GPM6A: variants seen among roughly 807,000 people sequenced by gnomAD.
The protein encoded by GPM6A is glycoprotein M6A.
A neutral mutation model predicts 32.1 loss-of-function variants in GPM6A; 7 were observed. That is an observed-to-expected ratio of 0.22 (90% CI 0.12 to 0.41). GPM6A has a LOEUF of 0.41. Ranked by LOEUF, GPM6A falls within the 10% of genes least tolerant of loss-of-function variation. The probability of loss-of-function intolerance (pLI) is 1.00; values close to 1 mark genes in which losing one functional copy is unlikely to be tolerated. For missense variants in GPM6A, 235 were observed against 347.2 expected, an observed-to-expected ratio of 0.68 and a Z score of 2.57; for synonymous variants, 130 against 123.4, an observed-to-expected ratio of 1.05 and a Z score of -0.35.
intron 3 of GPM6A, 133 bp from the exon 4 acceptor site, chr4:175,652,120 A>T (rs745357551): frequency 5.2e-6 from 3 of 576,132 alleles, no homozygotes; most frequent in Non-Finnish European, 8.9e-6. Context: ...AACACTGTTG[A>T]TTTGCAGCAC....
At position 175,851,345 on chromosome 4, in the gene GPM6A, C is replaced by T. The variant is rs1379790246; in HGVS notation, c.-22-39096G>A. 3.3e-5 allele frequency among the ~76,000 whole-genome samples: 5 copies of T among 151,974 alleles called. No individual in the cohort carries two copies. The East Asian group carries it at 9.7e-4, about 29-fold the overall frequency. ...ACTAAAAATACAAAAATTAGCTGAG[C>T]ATGGTGGTGGACGCCAGTAATCCCA... is the stretch of plus-strand genomic sequence containing the variant. On this transcript the variant is annotated intron_variant, in intron 1 of 7. Transcript: ENST00000280187.
intron 1 of GPM6A, among the ~76,000 whole-genome samples, chr4:175,878,670 T>C (rs533614476): frequency 6.6e-6 from 1 of 152,234 alleles, no homozygotes; most frequent in East Asian, 1.9e-4. Context: ...TATGATGGGA[T>C]GGGCTGCCTT....
intron 4 of GPM6A, among the ~76,000 whole-genome samples, chr4:175,645,207 C>T (rs1367980749): frequency 1.3e-5 from 2 of 152,080 alleles, no homozygotes; most frequent in Admixed American, 6.6e-5. Context: ...GTTGCAGTAA[C>T]GGGCTTCTTT....
intron 1 of GPM6A, among the ~76,000 whole-genome samples, chr4:175,990,233 C>T (rs1245391910): frequency 2.6e-5 from 4 of 152,218 alleles, no homozygotes; most frequent in East Asian, 1.9e-4. Flanking sequence ...TTTATTACAT[C>T]TGTAACCAAA....
In GPM6A at chr4:175,648,948, T is replaced by C. The variant is rs1329859577; in HGVS notation, c.541+2886A>G. Among the ~76,000 whole-genome samples, 3 of 152,224 alleles carry C rather than the reference T, an allele frequency of 2.0e-5. No individual in the cohort carries two copies. In the East Asian group the frequency reaches 5.8e-4, roughly 29 times the overall value. ...CTCACATATGTATATGTTTCAGGAA[T>C]CAGAATGTGTACATCTTTGAGGATC... On this transcript the variant is annotated intron_variant, in intron 4 of 6. Transcript: ENST00000393658.
intron 1 of GPM6A, among the ~76,000 whole-genome samples, chr4:175,942,753 C>T (rs181065820): frequency 6.6e-6 from 1 of 152,080 alleles, no homozygotes; most frequent in East Asian, 1.9e-4. Flanking sequence ...GTTTTGGTAC[C>T]AGTACCATGC....
chr4:175,711,761 T>A (rs977836547), intron 1 of GPM6A, among the ~76,000 whole-genome samples: 3 of 151,522 alleles, frequency 2.0e-5, no homozygotes, highest in Admixed American at 1.3e-4. Context: ...TGTGTAGTAA[T>A]CTGGGATTCA....
At chr4:175,855,855 T>C (rs947944506) in intron 1 of GPM6A, among the ~76,000 whole-genome samples, 1 of 152,200 alleles carries the variant, frequency 6.6e-6, no homozygotes, top group African/African-American at 2.4e-5. Context: ...ACATATATAT[T>C]TCTTTTCTCT....
intron 1 of GPM6A, among the ~76,000 whole-genome samples, chr4:175,830,049 C>T (rs560198050): frequency 1.3e-5 from 2 of 152,090 alleles, no homozygotes; most frequent in African/African-American, 4.8e-5. Flanking sequence ...GATCCACTGC[C>T]ACTGATTTGA....
At chr4:175,946,613 G>A (rs1207298160) in intron 1 of GPM6A, among the ~76,000 whole-genome samples, 2 of 152,174 alleles carry the variant, frequency 1.3e-5, no homozygotes, top group Non-Finnish European at 2.9e-5. Context: ...AGCCAGCGAT[G>A]TGAGGCAGAG....
At chr4:175,782,287 C>A (rs1364000637) in intron 1 of GPM6A, among the ~76,000 whole-genome samples, 3 of 152,044 alleles carry the variant, frequency 2.0e-5, no homozygotes, top group Non-Finnish European at 4.4e-5. Flanking sequence ...CCCACCTAGG[C>A]TTTTGCTGGG....
intron 1 of GPM6A, among the ~76,000 whole-genome samples, chr4:175,755,848 T>C (rs1192935899): frequency 6.6e-6 from 1 of 152,172 alleles, no homozygotes; most frequent in East Asian, 1.9e-4. Context: ...ATGGCTTCTG[T>C]GTGTCAGTGA....
intron 1 of GPM6A, among the ~76,000 whole-genome samples, chr4:175,878,268 C>A (rs1560976148): frequency 6.6e-6 from 1 of 152,190 alleles, no homozygotes; most frequent in Non-Finnish European, 1.5e-5. Flanking sequence ...GCCCTCTTCT[C>A]ACAGATCCAC....
At chr4:175,694,576 A>T (rs1268057724) in intron 2 of GPM6A, among the ~76,000 whole-genome samples, 1 of 152,180 alleles carries the variant, frequency 6.6e-6, no homozygotes, top group East Asian at 1.9e-4. Context: ...AGCATTCAAG[A>T]TGTGACCTGG....
chr4:175,975,589 C>G (rs900146992), intron 1 of GPM6A, among the ~76,000 whole-genome samples: 6 of 152,146 alleles, frequency 3.9e-5, no homozygotes, highest in African/African-American at 1.2e-4. Flanking sequence ...TGCACTAATG[C>G]CTCTAGAATT....
At chr4:175,867,233 C>T (rs1736767935) in intron 1 of GPM6A, among the ~76,000 whole-genome samples, 1 of 152,298 alleles carries the variant, frequency 6.6e-6, no homozygotes, top group African/African-American at 2.4e-5. Flanking sequence ...TTGTCTTTCA[C>T]AGGGCAGAAG....
intron 1 of GPM6A, among the ~76,000 whole-genome samples, chr4:175,885,472 A>G (rs906700347): frequency 3.3e-5 from 5 of 152,122 alleles, no homozygotes; most frequent in African/African-American, 1.2e-4. Context: ...TCTACAAAAT[A>G]TTTTAAAAAT....
At chr4:175,874,562 C>T (rs1322574161) in intron 1 of GPM6A, among the ~76,000 whole-genome samples, 1 of 151,784 alleles carries the variant, frequency 6.6e-6, no homozygotes, top group African/African-American at 2.4e-5. Context: ...GAAACTTTCA[C>T]AGAGAAATTG....
At chr4:175,732,453 G>C (rs555771301) in intron 1 of GPM6A, among the ~76,000 whole-genome samples, 42 of 151,914 alleles carry the variant, frequency 2.8e-4, no homozygotes, top group Non-Finnish European at 5.1e-4. Context: ...TTTTCTATGA[G>C]TATGTGTGTA....
Sources: gnomAD v4.1 joint callset for allele counts (sites outside exome capture counted in the v4.1 genomes callset) on GRCh38, gnomAD v4.1.1 for gene constraint, MANE v1.5 for transcripts, NCBI Gene and HGNC (gene_info 2026-07-23, HGNC 2026-07-21) for gene names.